The following SPATA16 variants were observed in gnomAD, a reference collection of about 807,000 sequenced individuals.
SPATA16 encodes spermatogenesis associated 16, also known as spermatogenesis-associated protein 16.
In SPATA16, 36 loss-of-function variants were observed where a neutral mutation model predicts 63.3. That is an observed-to-expected ratio of 0.57 (90% CI 0.44 to 0.75). SPATA16 has a LOEUF of 0.75. SPATA16 is among the 30% of genes least tolerant of loss of function. The pLI is 0.00. For missense variants in SPATA16, 646 were observed against 679.3 expected (o/e 0.95, Z 0.54); for synonymous variants, 203 against 216.7 (o/e 0.94, Z 0.56).
chr3:172,963,141 A>G (rs1733829133), intron 5 of SPATA16, among the ~76,000 whole-genome samples: 1 of 152,118 alleles, frequency 6.6e-6, no homozygotes, highest in Non-Finnish European at 1.5e-5. Flanking sequence ...AATGATCAAC[A>G]TTTTGATGCT....
intron 2 of SPATA16, among the ~76,000 whole-genome samples, chr3:173,067,543 C>T (rs1736551175): frequency 6.6e-6 from 1 of 152,006 alleles, no homozygotes; most frequent in Non-Finnish European, 1.5e-5. Context: ...AGCCCCTTGA[C>T]ATGCAATTTA....
chr3:172,944,683 G>T (rs7427854), intron 6 of SPATA16, among the ~76,000 whole-genome samples: 144 of 152,074 alleles, frequency 9.5e-4, no homozygotes, highest in Non-Finnish European at 1.7e-3. Flanking sequence ...ATCTGACATT[G>T]GCTACAATAT....
At chr3:172,953,441 C>A (rs1262701793) in intron 6 of SPATA16, among the ~76,000 whole-genome samples, 1 of 152,166 alleles carries the variant, frequency 6.6e-6, no homozygotes, top group Non-Finnish European at 1.5e-5. Context: ...CAGAAAGTGG[C>A]TGGGTTCACA....
At chr3:173,039,771 T>C (rs1735795452) in intron 3 of SPATA16, among the ~76,000 whole-genome samples, 1 of 152,028 alleles carries the variant, frequency 6.6e-6, no homozygotes, top group South Asian at 2.1e-4. Context: ...TGAAGAGCTG[T>C]GGGAGGCATG....
chr3:173,095,524 T>C (rs1009724270), intron 2 of SPATA16, among the ~76,000 whole-genome samples: 1 of 152,156 alleles, frequency 6.6e-6, no homozygotes, highest in African/African-American at 2.4e-5. Flanking sequence ...TATTCTGTAC[T>C]CAAAGTTCAG....
chr3:172,928,160 C>T (rs1192301526), intron 6 of SPATA16, among the ~76,000 whole-genome samples: 3 of 152,118 alleles, frequency 2.0e-5, no homozygotes, highest in Non-Finnish European at 4.4e-5. Flanking sequence ...CCGCCCAACA[C>T]ACCCTCCCAA....
chr3:173,137,957 T>A (rs950768833), intron 1 of SPATA16, among the ~76,000 whole-genome samples: 2 of 152,120 alleles, frequency 1.3e-5, no homozygotes, highest in African/African-American at 4.8e-5. Context: ...CAATCCTTTC[T>A]TTCTTCACCT....
rs1262009177 is a variant in SPATA16, at chr3:172,916,325, C to T, written c.1495G>A (p.Ala499Thr). ...PYLQDISQQE[A>T]ELLQSLMADA... is the part of the protein sequence containing the mutation. ...CAAAGAAAAATACTTACCAATTCTG[C>T]CTCCTGTTGACTGATGTCCTGTAGG... Residue 499 changes from alanine (A) to threonine (T), a missense_variant, in exon 9 of 11, where the codon GCA (alanine) becomes ACA (threonine). Physicochemically the swap from Ala to Thr is moderately conservative, Grantham distance 58 (BLOSUM62 0). Coordinates refer to ENST00000351008, the MANE Select transcript of SPATA16 (RefSeq NM_031955.6). 1 of 1,613,282 alleles carries T rather than the reference C, an allele frequency of 6.2e-7. No individual in the cohort carries two copies. The highest frequency in any genetic ancestry group is 1.7e-5 in the Admixed American group (1 of 59,988).
At chr3:172,970,526 T>C (rs1734026359) in intron 5 of SPATA16, among the ~76,000 whole-genome samples, 1 of 152,218 alleles carries the variant, frequency 6.6e-6, no homozygotes, top group South Asian at 2.1e-4. Flanking sequence ...AATTTAAGTA[T>C]GATACATAGT....
At chr3:172,890,281 A>G (rs913740385) in intron 10 of SPATA16, among the ~76,000 whole-genome samples, 11 of 152,238 alleles carry the variant, frequency 7.2e-5, no homozygotes, top group African/African-American at 2.7e-4. Context: ...ACAATTCTTG[A>G]AAAAGAATTA....
intron 4 of SPATA16, among the ~76,000 whole-genome samples, chr3:172,985,139 A>G (rs914206630): frequency 2.0e-5 from 3 of 152,096 alleles, no homozygotes; most frequent in Admixed American, 2.0e-4. Flanking sequence ...CTCCTCCCTT[A>G]TCCCCCATGC....
intron 6 of SPATA16, among the ~76,000 whole-genome samples, chr3:172,927,522 C>T (rs1476992248): frequency 5.9e-5 from 9 of 152,166 alleles, no homozygotes; most frequent in East Asian, 1.9e-4. Context: ...ATTCATCTGG[C>T]GCTTCTTCTG....
intron 1 of SPATA16, among the ~76,000 whole-genome samples, chr3:173,128,176 G>A (rs2108345535): frequency 6.6e-6 from 1 of 152,224 alleles, no homozygotes; most frequent in Non-Finnish European, 1.5e-5. Flanking sequence ...CTGGTTCCAG[G>A]CTCCATTATA....
At chr3:172,952,843 G>A (rs970139804) in intron 6 of SPATA16, among the ~76,000 whole-genome samples, 1 of 151,146 alleles carries the variant, frequency 6.6e-6, no homozygotes, top group Non-Finnish European at 1.5e-5. Context: ...GGGAGGCTGA[G>A]GCAGGAGAAT....
intron 5 of SPATA16, among the ~76,000 whole-genome samples, chr3:172,961,277 A>G (rs1404818741): frequency 6.6e-6 from 1 of 152,170 alleles, no homozygotes; most frequent in Non-Finnish European, 1.5e-5. Context: ...TCTTGCTTCC[A>G]GTCTTAGGGT....
chr3:172,925,289 G>T lies in SPATA16; in HGVS notation c.1228+57C>A, dbSNP rs973352777. The T allele has an allele frequency of 2.9e-4, 470 of 1,598,252 alleles. 1 individual carries two copies. Among genetic ancestry groups the T allele is most frequent in the Non-Finnish European group, 3.9e-4 (452 of 1,167,736 alleles). ...AATTTTAACTCAAACATTTTTTGGGGCCCAAAACTCATCACAGGCTACTAT... is the reference window on the plus strand; with the variant it reads ...AATTTTAACTCAAACATTTTTTGGGTCCCAAAACTCATCACAGGCTACTAT... On this transcript the variant is annotated intron_variant, in intron 7 of 10. Transcript: ENST00000351008.
intron 3 of SPATA16, among the ~76,000 whole-genome samples, chr3:173,037,263 A>G (rs756974765): frequency 1.4e-4 from 22 of 151,978 alleles, no homozygotes; most frequent in Non-Finnish European, 1.8e-4. Flanking sequence ...TGGGTACTAC[A>G]TGTGACTTCT....
At chr3:172,965,768 G>A (rs1733904545) in intron 5 of SPATA16, among the ~76,000 whole-genome samples, 1 of 152,020 alleles carries the variant, frequency 6.6e-6, no homozygotes, top group Non-Finnish European at 1.5e-5. Flanking sequence ...AGTAGAGATG[G>A]GGTTTCACCA....
chr3:173,018,775 T>C (rs895601704), intron 4 of SPATA16, among the ~76,000 whole-genome samples: 3 of 152,092 alleles, frequency 2.0e-5, no homozygotes, highest in Non-Finnish European at 4.4e-5. Flanking sequence ...GTAAAGTGGA[T>C]GAGGAAGAAA....
Sources: allele counts gnomAD v4.1 joint callset (sites outside exome capture counted in the v4.1 genomes callset), GRCh38; gene constraint gnomAD v4.1.1; transcripts MANE v1.5; gene names NCBI Gene and HGNC (gene_info 2026-07-23, HGNC 2026-07-21).